The following RIMBP2 variants were observed in gnomAD, a reference collection of about 807,000 sequenced individuals.
RIMBP2 encodes the protein RIMS binding protein 2.
A neutral mutation model predicts 118.6 loss-of-function variants in RIMBP2; 48 were observed. That is an observed-to-expected ratio of 0.40 (90% confidence interval 0.32 to 0.51). The LOEUF (loss-of-function observed/expected upper bound fraction) is 0.51, where lower values mean the gene tolerates loss of function less well. RIMBP2 is among the 20% of genes least tolerant of loss of function. RIMBP2 has a pLI of 0.41. For missense variants in RIMBP2, 1,551 were observed against 1,768.3 expected (o/e 0.88, Z 2.20); for synonymous variants, 762 against 742.9 (o/e 1.03, Z -0.42).
intron 4 of RIMBP2, among the ~76,000 whole-genome samples, chr12:130,500,675 T>C (rs2049671041): frequency 6.6e-6 from 1 of 152,114 alleles, no homozygotes; most frequent in African/African-American, 2.4e-5. Context: ...TGAATGCACA[T>C]TGGCACAGCT....
At chr12:130,438,743 G>A (rs2292668) in intron 11 of RIMBP2, among the ~76,000 whole-genome samples, 29,273 of 152,050 alleles carry the variant, frequency 0.19, 3,202 homozygotes, top group South Asian at 0.36. Flanking sequence ...CTTTAAATTC[G>A]GCATTTAGTC....
At chr12:130,627,115 A>G (rs539200770) in intron 2 of RIMBP2, among the ~76,000 whole-genome samples, 47 of 152,184 alleles carry the variant, frequency 3.1e-4, no homozygotes, top group African/African-American at 1.1e-3. Flanking sequence ...AACTACCGCC[A>G]GCATCATCAA....
chr12:130,682,087 T>C (rs2064814616), intron 1 of RIMBP2, among the ~76,000 whole-genome samples: 1 of 152,258 alleles, frequency 6.6e-6, no homozygotes, highest in Non-Finnish European at 1.5e-5. Context: ...GTGGCATTGC[T>C]GCTGGGTGGT....
intron 16 of RIMBP2, among the ~76,000 whole-genome samples, chr12:130,423,414 C>G (rs771582393): frequency 6.6e-6 from 1 of 152,174 alleles, no homozygotes; most frequent in Non-Finnish European, 1.5e-5. Flanking sequence ...CAAGGCCTGG[C>G]GCCATGTGGA....
chr12:130,648,801 C>A (rs899418967), intron 1 of RIMBP2, among the ~76,000 whole-genome samples: 5 of 144,724 alleles, frequency 3.5e-5, no homozygotes, highest in African/African-American at 1.2e-4. Context: ...GGATTACAGG[C>A]CTGCACCACC....
intron 1 of RIMBP2, among the ~76,000 whole-genome samples, chr12:130,695,054 C>A (rs1318915178): frequency 1.3e-5 from 2 of 152,200 alleles, no homozygotes; most frequent in African/African-American, 2.4e-5. Flanking sequence ...AACACAATAT[C>A]TGCCCTTCCA....
At chr12:130,437,834 G>A (rs774829440) in intron 12 of RIMBP2, among the ~76,000 whole-genome samples, 42 of 152,312 alleles carry the variant, frequency 2.8e-4, no homozygotes, top group Non-Finnish European at 3.5e-4. Context: ...AGCTGGGGAC[G>A]GTGAGGAGCA....
At chr12:130,407,600 C>T (rs2075295429) in intron 20 of RIMBP2, 126 bp downstream of exon 20, 1 of 815,428 alleles carries the variant, frequency 1.2e-6, no homozygotes, top group Admixed American at 1.8e-5. Context: ...GATCGGCAGC[C>T]CTTCCTACGG....
Position 130,438,351 on chromosome 12 carries a change from C to CCCCCA in RIMBP2, c.1656+13_1656+14insTGGGG. On this transcript the variant is annotated intron_variant, in intron 12 of 22. Coordinates refer to ENST00000690449, the MANE Select transcript of RIMBP2 (RefSeq NM_001393629.1). ...GCCTAACAAACCCTCCCCACCCACC[C>CCCCCA]AACGAAAACTCACCCTCTGCCCTTT... 1 of 1,589,922 alleles carries CCCCCA rather than the reference C, an allele frequency of 6.3e-7. No homozygotes were observed. The highest frequency in any genetic ancestry group is 8.6e-7 in the Non-Finnish European group (1 of 1,158,618).
chr12:130,437,340 G>T, intron 12 of RIMBP2, 49 bp from the exon 13 acceptor site: 2 of 1,484,170 alleles, frequency 1.3e-6, no homozygotes, highest in Non-Finnish European at 1.8e-6. Flanking sequence ...TGAGCCCCGC[G>T]GTCCTGCAAT....
At chr12:130,548,588 T>C (rs1479836049) in intron 2 of RIMBP2, among the ~76,000 whole-genome samples, 3 of 151,948 alleles carry the variant, frequency 2.0e-5, no homozygotes, top group Non-Finnish European at 2.9e-5. Context: ...GCTTGTTTGT[T>C]TTTGAGACAG....
intron 1 of RIMBP2, among the ~76,000 whole-genome samples, chr12:130,709,671 T>A (rs749805155): frequency 6.6e-6 from 1 of 152,142 alleles, no homozygotes; most frequent in Non-Finnish European, 1.5e-5. Flanking sequence ...ATGGGGTGTG[T>A]TCCTGCTCTT....
intron 3 of RIMBP2, among the ~76,000 whole-genome samples, chr12:130,513,161 G>A (rs1675414847): frequency 6.6e-6 from 1 of 152,170 alleles, no homozygotes; most frequent in Non-Finnish European, 1.5e-5. Context: ...GTGCTCATGG[G>A]TCATGAACTT....
At chr12:130,483,729 C>T (rs548353011) in intron 4 of RIMBP2, among the ~76,000 whole-genome samples, 2 of 143,204 alleles carry the variant, frequency 1.4e-5, no homozygotes, top group East Asian at 4.4e-4. Context: ...GTGCCCAGAG[C>T]CCCCGTCCCC....
chr12:130,544,473 T>C (rs1039645272), intron 2 of RIMBP2, among the ~76,000 whole-genome samples: 2 of 152,014 alleles, frequency 1.3e-5, no homozygotes, highest in Non-Finnish European at 2.9e-5. Flanking sequence ...CCTCCCTCTC[T>C]CCCTCTCCCT....
intron 10 of RIMBP2, among the ~76,000 whole-genome samples, chr12:130,443,288 G>A (rs1360989708): frequency 1.3e-5 from 2 of 151,832 alleles, no homozygotes; most frequent in East Asian, 3.9e-4. Flanking sequence ...GTGGTTAAGA[G>A]TGGACATAGT....
At chr12:130,547,248 G>A (rs1001750830) in intron 2 of RIMBP2, among the ~76,000 whole-genome samples, 2 of 152,048 alleles carry the variant, frequency 1.3e-5, no homozygotes, top group South Asian at 2.1e-4. Flanking sequence ...GTGTGCATAC[G>A]CTCACACAGA....
At chr12:130,596,253 G>A (rs1035955613) in intron 2 of RIMBP2, among the ~76,000 whole-genome samples, 5 of 152,194 alleles carry the variant, frequency 3.3e-5, no homozygotes, top group Admixed American at 1.3e-4. Context: ...AGGAAGCCAT[G>A]GGTGATAATG....
chr12:130,612,419 A>G (rs1179925304), intron 2 of RIMBP2, among the ~76,000 whole-genome samples: 2 of 152,124 alleles, frequency 1.3e-5, no homozygotes, highest in Non-Finnish European at 2.9e-5. Context: ...ACCATGCGTG[A>G]GCTGCTCTGC....
Sources: allele counts gnomAD v4.1 joint callset (sites outside exome capture counted in the v4.1 genomes callset), GRCh38; gene constraint gnomAD v4.1.1; transcripts MANE v1.5; gene names NCBI Gene and HGNC (gene_info 2026-07-23, HGNC 2026-07-21).